OXSR1: variants seen among roughly 807,000 people sequenced by gnomAD.
OXSR1 encodes the protein serine/threonine-protein kinase OSR1.
Under a neutral mutation model 79.8 loss-of-function variants are expected in OXSR1, and 24 were observed. The observed-to-expected ratio is 0.30, with a 90% CI of 0.22 to 0.42. The LOEUF (loss-of-function observed/expected upper bound fraction) is 0.42, where lower values mean the gene tolerates loss of function less well. Among genes scored for constraint, OXSR1 ranks in the 10% least tolerant of loss-of-function variants. The probability of loss-of-function intolerance (pLI) is 1.00; values close to 1 mark genes in which losing one functional copy is unlikely to be tolerated. For missense variants in OXSR1, 430 were observed against 618.4 expected, an observed-to-expected ratio of 0.70 and a Z score of 3.23; for synonymous variants, 226 against 209.2, an observed-to-expected ratio of 1.08 and a Z score of -0.69.
At chr3:38,218,835 T>C (rs1048736915) in intron 5 of OXSR1, among the ~76,000 whole-genome samples, 4 of 152,154 alleles carry the variant, frequency 2.6e-5, no homozygotes, top group African/African-American at 9.7e-5. Flanking sequence ...ATAACACTTA[T>C]TATAATGTAT....
intron 10 of OXSR1, among the ~76,000 whole-genome samples, chr3:38,231,334 T>G (rs1702802507): frequency 6.6e-6 from 1 of 151,148 alleles, no homozygotes; most frequent in Non-Finnish European, 1.5e-5. Context: ...ACTTGGGGAC[T>G]TAAAAAAAAA....
intron 8 of OXSR1, 27 bp downstream of exon 8, chr3:38,224,731 T>C (rs1298001614): frequency 6.1e-6 from 9 of 1,467,192 alleles, no homozygotes; most frequent in Non-Finnish European, 7.4e-6. Flanking sequence ...AGTCTACTTT[T>C]CTCTCTAATA....
Position 38,169,629 on chromosome 3 carries a change from A to G in OXSR1, c.70+3683A>G, listed in dbSNP as rs1409921148. 2.0e-5 allele frequency among the ~76,000 whole-genome samples: 3 copies of G among 146,832 alleles called. No homozygotes were observed. The East Asian group carries it at 6.2e-4, about 30-fold the overall frequency. ...TGTTCGTTTTTTTTTTGAGTTATAG[A>G]AGTGTGTGTATGTGTGTTTGTATGT... is the stretch of plus-strand genomic sequence containing the variant. On this transcript the variant is annotated intron_variant, in intron 1 of 17. Coordinates refer to ENST00000311806, the MANE Select transcript of OXSR1 (RefSeq NM_005109.3).
chr3:38,231,643 G>A (rs1490649413), intron 10 of OXSR1, among the ~76,000 whole-genome samples: 1 of 151,938 alleles, frequency 6.6e-6, no homozygotes, highest in Non-Finnish European at 1.5e-5. Context: ...TTTTTTCATT[G>A]CTGTATCTTC....
At chr3:38,207,831 C>A (rs2125826154) in intron 4 of OXSR1, among the ~76,000 whole-genome samples, 1 of 151,972 alleles carries the variant, frequency 6.6e-6, no homozygotes, top group East Asian at 1.9e-4. Context: ...GGTCATGTCC[C>A]CAGTAAAAAT....
rs564244312 is a variant in OXSR1, at chr3:38,185,576, A to G, written c.183+2461A>G. Among the ~76,000 whole-genome samples the G allele has an allele frequency of 4.6e-5, 7 of 152,164 alleles. No homozygotes were observed. The East Asian group carries it at 1.4e-3, about 29-fold the overall frequency. ...ACTCCAGCTTGGGTGACAGAGCAAGACTCTGTCTCAAAAAACAAACAAGAA... is the reference window on the plus strand; with the variant it reads ...ACTCCAGCTTGGGTGACAGAGCAAGGCTCTGTCTCAAAAAACAAACAAGAA... On this transcript the variant is annotated intron_variant, in intron 2 of 17. Coordinates refer to ENST00000311806, the MANE Select transcript of OXSR1 (RefSeq NM_005109.3).
chr3:38,203,959 G>A (rs1402444922), intron 4 of OXSR1, among the ~76,000 whole-genome samples: 1 of 152,194 alleles, frequency 6.6e-6, no homozygotes, highest in African/African-American at 2.4e-5. Flanking sequence ...GTGCAGAGAT[G>A]CCATCAGAGA....
At chr3:38,239,182 T>TTAACATCCTTCTCTTCTAATTC (rs1295542963) in intron 11 of OXSR1, among the ~76,000 whole-genome samples, 1 of 152,188 alleles carries the variant, frequency 6.6e-6, no homozygotes, top group Non-Finnish European at 1.5e-5. Flanking sequence ...GATAACTATT[T>TTAACATCCTTCTCTTCTAATTC]TAACATCCTT....
chr3:38,216,205 CTTATCTT>C, intron 5 of OXSR1, 54 bp downstream of exon 5: 1 of 1,086,030 alleles, frequency 9.2e-7, no homozygotes, highest in South Asian at 1.4e-5. Flanking sequence ...AACCACATTA[CTTATCTT>C]TTATGTTTCC....
chr3:38,183,195 G>T lies in OXSR1; in HGVS notation c.183+80G>T, dbSNP rs534127124. The T allele has an allele frequency of 1.1e-4, 64 of 602,772 alleles. No individual in the cohort carries two copies. In the African/African-American group the frequency reaches 1.2e-3, roughly 12 times the overall value. The allele number at this position is 602,772 out of a possible 1,614,324, so 37.3% of individuals were successfully genotyped here. On this transcript the variant is annotated intron_variant, in intron 2 of 17. Transcript: ENST00000311806. ...CAATGGGAAATAACTTGAAGTTTTT[G>T]ATTTGTTTCTTTTTAAAAAAGTTTA...
At chr3:38,186,192 G>T (rs1701883153) in intron 2 of OXSR1, among the ~76,000 whole-genome samples, 1 of 151,844 alleles carries the variant, frequency 6.6e-6, no homozygotes, top group Non-Finnish European at 1.5e-5. Context: ...GATTTTATTT[G>T]ATAGGAAATA....
chr3:38,241,897 G>A (rs1175697177), intron 11 of OXSR1, among the ~76,000 whole-genome samples: 3 of 149,654 alleles, frequency 2.0e-5, no homozygotes, highest in Non-Finnish European at 4.4e-5. Context: ...TAATGAAATG[G>A]TGATAAAAGT....
intron 1 of OXSR1, among the ~76,000 whole-genome samples, chr3:38,170,105 C>T (rs1339450835): frequency 6.6e-6 from 1 of 152,016 alleles, no homozygotes; most frequent in Non-Finnish European, 1.5e-5. Context: ...AGTGCAGTGG[C>T]ATGATCTTGG....
At chr3:38,245,282 G>C (rs1482971673) in intron 12 of OXSR1, among the ~76,000 whole-genome samples, 1 of 151,970 alleles carries the variant, frequency 6.6e-6, no homozygotes, top group African/African-American at 2.4e-5. Flanking sequence ...GCATAATTTT[G>C]AATATGTTTA....
chr3:38,202,193 G>C (rs914386003), intron 4 of OXSR1, among the ~76,000 whole-genome samples: 3 of 152,190 alleles, frequency 2.0e-5, no homozygotes, highest in African/African-American at 7.2e-5. Flanking sequence ...TGAGGAAGCA[G>C]ATGACCCAGG....
chr3:38,209,438 T>C (rs961597438), intron 4 of OXSR1, among the ~76,000 whole-genome samples: 1 of 151,992 alleles, frequency 6.6e-6, no homozygotes, highest in African/African-American at 2.4e-5. Context: ...TTGGGACCTT[T>C]TTAAAAGTTC....
chr3:38,219,787 A>ATGATGG (rs1702552499), intron 5 of OXSR1, among the ~76,000 whole-genome samples: 1 of 137,748 alleles, frequency 7.3e-6, no homozygotes, highest in Admixed American at 7.2e-5. Context: ...TAAGATGATG[A>ATGATGG]TGATGATGAT....
In OXSR1 at chr3:38,198,873, A is replaced by G; in HGVS notation, c.434+10A>G. 6.2e-7 allele frequency: 1 copy of G among 1,609,908 alleles called. No homozygotes were observed. The highest frequency in any genetic ancestry group is 8.5e-7 in the Non-Finnish European group (1 of 1,177,340). On this transcript the variant is annotated intron_variant, in intron 4 of 17. Coordinates refer to ENST00000311806, the MANE Select transcript of OXSR1 (RefSeq NM_005109.3). ...ATGGACAGATCCACAGGTATGTAAA[A>G]GACAATACTCTTGTGTTACATCATC...
At chr3:38,206,643 C>A (rs1702268880) in intron 4 of OXSR1, among the ~76,000 whole-genome samples, 1 of 151,992 alleles carries the variant, frequency 6.6e-6, no homozygotes, top group African/African-American at 2.4e-5. Context: ...GAAGTAAAAA[C>A]TTTGACTTGA....
Sources: allele counts gnomAD v4.1 joint callset (sites outside exome capture counted in the v4.1 genomes callset), GRCh38; gene constraint gnomAD v4.1.1; transcripts MANE v1.5; gene names NCBI Gene and HGNC (gene_info 2026-07-23, HGNC 2026-07-21).